The following COG7 variants were observed in gnomAD, a reference collection of about 807,000 sequenced individuals.
COG7 encodes the protein component of oligomeric golgi complex 7.
COG7 carries 49 observed loss-of-function variants against 91.5 expected under a neutral mutation model. That is an observed-to-expected ratio of 0.54 (90% confidence interval 0.43 to 0.68). The LOEUF is 0.68. Ranked by LOEUF, COG7 falls within the 30% of genes least tolerant of loss-of-function variation. The probability of loss-of-function intolerance (pLI) is 0.00; values close to 1 mark genes in which losing one functional copy is unlikely to be tolerated. For missense variants in COG7, 895 were observed against 961.3 expected (o/e 0.93, Z 0.91); for synonymous variants, 365 against 388.7 (o/e 0.94, Z 0.72).
Position 23,406,127 on chromosome 16 carries a change from T to A in COG7, c.1611A>T (p.Lys537Asn). ...NPWQEYNYLQ[K>N]DNPAEYASLM... ...AACTGGCATATTCAGCAGGGTTATC[T>A]TTCTGGAGGTAATTATATTCTTGCC... Residue 537 changes from lysine (K) to asparagine (N), a missense_variant, in exon 12 of 17, where the codon AAA becomes AAT. Transcript: ENST00000307149. The A allele has an allele frequency of 6.2e-7, 1 of 1,614,162 alleles. No individual in the cohort carries two copies. The highest frequency in any genetic ancestry group is 1.1e-5 in the South Asian group (1 of 91,086).
chr16:23,396,261 T>TC (rs1963283949), intron 14 of COG7, among the ~76,000 whole-genome samples: 1 of 152,206 alleles, frequency 6.6e-6, no homozygotes, highest in African/African-American at 2.4e-5. Context: ...CTCCTAGCCC[T>TC]CATTCCCTCT....
chr16:23,388,992 A>G lies in COG7; in HGVS notation c.2241T>C (p.Tyr747=), dbSNP rs777420426. ...VTLLKTRPED[Y]RQVSKGLPRR... Reference sequence around the variant, plus strand: ...GGGGCAGGCCTTTGCTGACCTGTCTATAGTCCTCAGGCCTGGTCTTCAGTA... The same window carrying G: ...GGGGCAGGCCTTTGCTGACCTGTCTGTAGTCCTCAGGCCTGGTCTTCAGTA... The change falls in exon 17 of 17, where the codon TAT becomes TAC. Residue 747 remains tyrosine (Y), a synonymous_variant. Coordinates refer to ENST00000307149, the MANE Select transcript of COG7 (RefSeq NM_153603.4). 1.2e-6 allele frequency: 2 copies of G among 1,613,994 alleles called. No individual in the cohort carries two copies. Among genetic ancestry groups the G allele is most frequent in the Admixed American group, 1.7e-5 (1 of 59,998 alleles).
intron 4 of COG7, chr16:23,441,955 A>G (rs1001622957): frequency 1.9e-5 from 3 of 155,416 alleles, no homozygotes; most frequent in African/African-American, 7.2e-5. Context: ...AGATGGCAGA[A>G]GACAATGAAG....
At chr16:23,449,375 T>TAAAATTAAAATAAAA (rs1187287842) in intron 1 of COG7, among the ~76,000 whole-genome samples, 6 of 114,074 alleles carry the variant, frequency 5.3e-5, no homozygotes, top group African/African-American at 1.9e-4. Flanking sequence ...AAAAATAAAA[T>TAAAATTAAAATAAAA]TAAATTAAAA....
chr16:23,444,755 C>T (rs1346473326), intron 3 of COG7, among the ~76,000 whole-genome samples: 1 of 152,052 alleles, frequency 6.6e-6, no homozygotes, highest in Non-Finnish European at 1.5e-5. Flanking sequence ...ATCCTCCCAC[C>T]TCAGCATCCC....
intron 6 of COG7, among the ~76,000 whole-genome samples, chr16:23,431,403 T>C (rs374048251): frequency 6.6e-5 from 10 of 152,342 alleles, no homozygotes; most frequent in African/African-American, 2.4e-4. Context: ...AAGAGAAGTC[T>C]GAGAAGTCTA....
In COG7 at chr16:23,406,180, C is replaced by G. The variant is rs1457020667; in HGVS notation, c.1558G>C (p.Asp520His). Residue 520 changes from aspartate to histidine, a missense_variant, in exon 12 of 17, where the codon GAC (aspartate) becomes CAC (histidine). Coordinates refer to ENST00000307149, the MANE Select transcript of COG7 (RefSeq NM_153603.4). ...GGGTTCTTGGCAGAGTTCTTCTTGTCTGTCAAGATGCTCTCCTGAAAACCA... is the reference window on the plus strand; with the variant it reads ...GGGTTCTTGGCAGAGTTCTTCTTGTGTGTCAAGATGCTCTCCTGAAAACCA... ...LAGFQESILT[D>H]KKNSAKNPWQ... 4.3e-6 allele frequency: 7 copies of G among 1,613,992 alleles called. No homozygotes were observed. The highest frequency in any genetic ancestry group is 1.3e-5 in the African/African-American group (1 of 74,906).
intron 6 of COG7, among the ~76,000 whole-genome samples, chr16:23,426,818 CAAAA>C (rs1176659874): frequency 1.7e-5 from 1 of 60,354 alleles, no homozygotes; most frequent in Non-Finnish European, 3.3e-5. Flanking sequence ...AGCAATTGGA[CAAAA>C]AAAAAAAAAA....
rs1169400067 is a variant in COG7, at chr16:23,434,645, C to T, written c.678G>A (p.Lys226=). Residue 226 remains lysine (K), a synonymous_variant, in exon 5 of 17, where the codon AAG becomes AAA. Coordinates refer to ENST00000307149, the MANE Select transcript of COG7 (RefSeq NM_153603.4). The part of the protein sequence containing the change: ...RMPQLLAYYY[K]CHKVQLLAAW... ...GCGCACAGCTTCTTACCTTGTGACA[C>T]TTGTAGTAGTAGGCCAGGAGCTGGG... 6.2e-7 allele frequency: 1 copy of T among 1,612,636 alleles called. No homozygotes were observed.
At chr16:23,440,754 G>A (rs1298714971) in intron 4 of COG7, among the ~76,000 whole-genome samples, 1 of 152,034 alleles carries the variant, frequency 6.6e-6, no homozygotes, top group African/African-American at 2.4e-5. Flanking sequence ...ACTGCACCCG[G>A]CCGAGAACAG....
At chr16:23,392,628 C>T (rs920527567) in intron 15 of COG7, 105 bp from the exon 16 acceptor site, 14 of 1,396,522 alleles carry the variant, frequency 1.0e-5, no homozygotes, top group African/African-American at 4.2e-5. Flanking sequence ...CACAGGAAAC[C>T]GAAAACAGTT....
rs184061641 is a variant in COG7, at chr16:23,406,394, A to G, written c.1476-132T>C. 6 of 773,772 alleles carry G rather than the reference A, an allele frequency of 7.8e-6. No homozygotes were observed. In the Admixed American group the frequency reaches 1.0e-4, roughly 13 times the overall value. 47.9% of individuals were successfully genotyped at this position (773,772 alleles called of 1,614,324 possible). The stretch of plus-strand genomic sequence containing the variant: ...CAGACTGAATTAAGGTCCAGTTTAT[A>G]AGGCAACGAAAGGCTGCCCTTCATC... On this transcript the variant is annotated intron_variant, in intron 11 of 16. Transcript: ENST00000307149.
chr16:23,400,978 A>G (rs1963365951), intron 13 of COG7, among the ~76,000 whole-genome samples: 1 of 145,440 alleles, frequency 6.9e-6, no homozygotes, highest in Non-Finnish European at 1.5e-5. Context: ...TCAAAAAAAA[A>G]AGGGGGGGGG....
intron 16 of COG7, 161 bp downstream of exon 16, chr16:23,392,219 G>A (rs757062270): frequency 1.3e-6 from 2 of 1,509,502 alleles, no homozygotes; most frequent in Non-Finnish European, 1.8e-6. Context: ...AATCTCTGGG[G>A]CAGGGCCTGG....
intron 13 of COG7, among the ~76,000 whole-genome samples, chr16:23,398,454 A>G (rs917545339): frequency 1.3e-5 from 2 of 152,192 alleles, no homozygotes; most frequent in South Asian, 4.1e-4. Flanking sequence ...AGAAAGTTGG[A>G]TATTTTTGGT....
intron 4 of COG7, among the ~76,000 whole-genome samples, chr16:23,437,476 T>C (rs891178334): frequency 1.3e-4 from 20 of 152,234 alleles, no homozygotes; most frequent in Admixed American, 3.9e-4. Flanking sequence ...GCTCCAGCCT[T>C]AGAATTCTGT....
chr16:23,451,718 C>A (rs1466305873), intron 1 of COG7, among the ~76,000 whole-genome samples: 2 of 134,742 alleles, frequency 1.5e-5, no homozygotes, highest in Non-Finnish European at 3.1e-5. Context: ...GGAATGAGAC[C>A]CTGTCTCAAA....
intron 11 of COG7, among the ~76,000 whole-genome samples, chr16:23,406,833 T>G (rs1233220801): frequency 6.6e-6 from 1 of 152,212 alleles, no homozygotes. Flanking sequence ...GAGAGATCTA[T>G]TGAGGCTGGC....
At chr16:23,430,211 T>C (rs535216643) in intron 6 of COG7, among the ~76,000 whole-genome samples, 2 of 152,276 alleles carry the variant, frequency 1.3e-5, no homozygotes, top group South Asian at 4.1e-4. Flanking sequence ...GGAGGATCAC[T>C]TGAGCCCAGG....
Sources: allele counts gnomAD v4.1 joint callset (sites outside exome capture counted in the v4.1 genomes callset), GRCh38; gene constraint gnomAD v4.1.1; transcripts MANE v1.5; gene names NCBI Gene and HGNC (gene_info 2026-07-23, HGNC 2026-07-21).